KYAT1: variants seen among roughly 807,000 people sequenced by gnomAD.
KYAT1 encodes kynurenine aminotransferase 1, also known as kynurenine--oxoglutarate transaminase 1.
A neutral mutation model predicts 52.4 loss-of-function variants in KYAT1; 47 were observed. That is an observed-to-expected ratio of 0.90 (90% CI 0.71 to 1.14). The LOEUF is 1.14. Among genes scored for constraint, KYAT1 ranks in the 50% most tolerant of loss-of-function variants. KYAT1 has a pLI of 0.00. For missense variants in KYAT1, 480 were observed against 557.9 expected, an observed-to-expected ratio of 0.86 and a Z score of 1.41; for synonymous variants, 212 against 209.6, an observed-to-expected ratio of 1.01 and a Z score of -0.10.
chr9:128,867,556 TGA>T (rs2130756202), intron 1 of KYAT1, among the ~76,000 whole-genome samples: 1 of 152,236 alleles, frequency 6.6e-6, no homozygotes, highest in Non-Finnish European at 1.5e-5. Context: ...GCACTCAGCA[TGA>T]GAGAAAAAAA....
chr9:128,846,895 C>G, intron 1 of KYAT1: 5 of 1,516,374 alleles, frequency 3.3e-6, no homozygotes, highest in Non-Finnish European at 4.4e-6. Flanking sequence ...CAGGATTTTG[C>G]TCAGTTCCAC....
At position 128,835,128 on chromosome 9, in the gene KYAT1, C is replaced by T. The variant is rs1830800964; in HGVS notation, c.1122+195G>A. 8 of 591,950 alleles carry T rather than the reference C, an allele frequency of 1.4e-5. No homozygotes were observed. In the East Asian group the frequency reaches 2.0e-4, roughly 15 times the overall value. 36.7% of individuals were successfully genotyped at this position (591,950 alleles called of 1,614,324 possible). A position where few individuals can be genotyped will look rare whatever the true frequency, so the allele number is the denominator to read the frequency against. On this transcript the variant is annotated intron_variant, in intron 11 of 12. Coordinates refer to ENST00000302586, the MANE Select transcript of KYAT1 (RefSeq NM_004059.5). ...CTCCAGCCTGGGCAAGAGTGAGACT[C>T]CATCTCAACCAAAAAAAAAAAAGAA... is the stretch of plus-strand genomic sequence containing the variant.
chr9:128,859,420 C>A (rs1835141256), intron 1 of KYAT1, among the ~76,000 whole-genome samples: 1 of 151,966 alleles, frequency 6.6e-6, no homozygotes, highest in African/African-American at 2.4e-5. Flanking sequence ...GTAATCCCAG[C>A]ACTTTGGGAG....
chr9:128,851,244 C>T (rs964949440), intron 1 of KYAT1, among the ~76,000 whole-genome samples: 13 of 152,090 alleles, frequency 8.5e-5, no homozygotes, highest in African/African-American at 4.8e-5. Flanking sequence ...CTTCATCTGA[C>T]GCCCAATATG....
chr9:128,861,191 G>A (rs1310479181), intron 1 of KYAT1, among the ~76,000 whole-genome samples: 1 of 152,224 alleles, frequency 6.6e-6, no homozygotes, highest in Non-Finnish European at 1.5e-5. Flanking sequence ...ATGGGGTTGA[G>A]CTGTGTCCCC....
Position 128,836,014 on chromosome 9 carries a change from T to G in KYAT1, c.748A>C (p.Ser250Arg), listed in dbSNP as rs772049133. 2 of 1,613,706 alleles carry G rather than the reference T, an allele frequency of 1.2e-6. No individual in the cohort carries two copies. Among genetic ancestry groups the G allele is most frequent in the Admixed American group, 3.3e-5 (2 of 60,016 alleles). ...CAACTCACCTTCCAGCCAGTGGCGC[T>G]GAAGGTCTTGCCGGCGCTGCCGATG... ...LTIGSAGKTF[S>R]ATGWKVGWVL... is the part of the protein sequence containing the mutation. Residue 250 changes from serine (S) to arginine (R), a missense_variant, in exon 8 of 13, where the codon AGC becomes CGC. Physicochemically the swap from Ser to Arg is moderately radical, Grantham distance 110. Transcript: ENST00000302586.
intron 1 of KYAT1, among the ~76,000 whole-genome samples, chr9:128,850,688 T>C (rs1251820247): frequency 1.3e-5 from 2 of 152,280 alleles, no homozygotes; most frequent in East Asian, 3.9e-4. Flanking sequence ...CTGAGGTGGA[T>C]TAGTAAAAGA....
chr9:128,861,227 T>C (rs1449436086), intron 1 of KYAT1, among the ~76,000 whole-genome samples: 1 of 152,198 alleles, frequency 6.6e-6, no homozygotes. Context: ...TGAATTGCAG[T>C]TCTCATAATT....
chr9:128,842,388 CCT>C (rs1344974775), intron 3 of KYAT1, among the ~76,000 whole-genome samples: 2 of 152,112 alleles, frequency 1.3e-5, no homozygotes, highest in Non-Finnish European at 2.9e-5. Flanking sequence ...GGTTTCATTC[CCT>C]CTTTCTTACT....
At chr9:128,872,738 A>G (rs919276196) in intron 1 of KYAT1, among the ~76,000 whole-genome samples, 6 of 151,472 alleles carry the variant, frequency 4.0e-5, no homozygotes, top group Middle Eastern at 3.4e-3. Flanking sequence ...TTTGCACTCT[A>G]GCCTGGGTGA....
At chr9:128,880,171 C>A (rs78877542) in intron 1 of KYAT1, among the ~76,000 whole-genome samples, 3,717 of 152,252 alleles carry the variant, frequency 0.024, 156 homozygotes, top group African/African-American at 0.084. Context: ...TGGAGGCCCA[C>A]GGAGTACCTG....
chr9:128,846,388 C>T (rs1833094904), intron 1 of KYAT1, among the ~76,000 whole-genome samples: 1 of 152,126 alleles, frequency 6.6e-6, no homozygotes, highest in South Asian at 2.1e-4. Context: ...CAAGAGCACA[C>T]CACTGCACTC....
chr9:128,844,271 G>A (rs976052472), intron 2 of KYAT1, among the ~76,000 whole-genome samples: 2 of 152,214 alleles, frequency 1.3e-5, no homozygotes, highest in South Asian at 2.1e-4. Context: ...GGCTGGGCCC[G>A]GTGGCTTATG....
chr9:128,876,671 G>C (rs1250670227), intron 1 of KYAT1, among the ~76,000 whole-genome samples: 1 of 150,076 alleles, frequency 6.7e-6, no homozygotes, highest in South Asian at 2.1e-4. Flanking sequence ...CGCCTGCCTC[G>C]GCCTCCCAAA....
rs180716155 is a variant in KYAT1, at chr9:128,847,228, C to T, written c.-6-1817G>A. ...GGGGATCATGGGAAGCAGCACCCTA[C>T]AGCGCCCAAGCTGACTATTCAGATG... On this transcript the variant is annotated intron_variant, in intron 1 of 12. Transcript: ENST00000302586. 1.1e-4 allele frequency among the ~76,000 whole-genome samples: 17 copies of T among 152,340 alleles called. No individual in the cohort carries two copies. The East Asian group carries it at 2.5e-3, about 22-fold the overall frequency.
chr9:128,858,410 A>AAAAAC, intron 1 of KYAT1, among the ~76,000 whole-genome samples: 1 of 146,256 alleles, frequency 6.8e-6, no homozygotes, highest in Admixed American at 6.9e-5. Context: ...AAAAAAAAAA[A>AAAAAC]AAAAAGCCCG....
At chr9:128,836,754 C>A in intron 7 of KYAT1, 48 bp downstream of exon 7, 1 of 1,597,860 alleles carries the variant, frequency 6.3e-7, no homozygotes, top group Non-Finnish European at 8.5e-7. Context: ...GGGGTCAAGG[C>A]CCTCCCACCA....
chr9:128,874,026 C>T (rs1032496357), intron 1 of KYAT1, among the ~76,000 whole-genome samples: 2 of 151,218 alleles, frequency 1.3e-5, no homozygotes, highest in Non-Finnish European at 2.9e-5. Context: ...GAAGCCGAGG[C>T]GGGTGGATCA....
chr9:128,865,359 A>ATTTTTTTTTTT (rs776787253), intron 1 of KYAT1, among the ~76,000 whole-genome samples: 12 of 27,300 alleles, frequency 4.4e-4, no homozygotes, highest in South Asian at 1.4e-3. Flanking sequence ...ATATATATAT[A>ATTTTTTTTTTT]TTTTTTTTTT....
Sources: allele counts gnomAD v4.1 joint callset (sites outside exome capture counted in the v4.1 genomes callset), GRCh38; gene constraint gnomAD v4.1.1; transcripts MANE v1.5; gene names NCBI Gene and HGNC (gene_info 2026-07-23, HGNC 2026-07-21).